The following FYCO1 variants were observed in gnomAD, a reference collection of about 807,000 sequenced individuals.
FYCO1 encodes FYVE and coiled-coil domain autophagy adaptor 1, also known as FYVE and coiled-coil domain-containing protein 1.
In FYCO1, 122 loss-of-function variants were observed where a neutral mutation model predicts 165.1. The observed-to-expected ratio is 0.74, with a 90% CI of 0.64 to 0.86. FYCO1 has a LOEUF of 0.86. FYCO1 is among the 40% of genes least tolerant of loss of function. The pLI is 0.00. For synonymous variants in FYCO1, 648 were observed against 742.5 expected (o/e 0.87, Z 2.07); for missense variants, 1,702 against 1,810.3 (o/e 0.94, Z 1.09).
chr3:45,959,355 C>T, intron 12 of FYCO1, 38 bp downstream of exon 12: 1 of 1,611,008 alleles, frequency 6.2e-7, no homozygotes. Context: ...CTGGGCCCCA[C>T]CAGGGTGTTG....
intron 15 of FYCO1, 51 bp from the exon 16 acceptor site, chr3:45,931,332 G>A: frequency 1.3e-6 from 2 of 1,556,130 alleles, no homozygotes; most frequent in African/African-American, 1.4e-5. Flanking sequence ...AAGTGTTTGT[G>A]TCCACTGGCC....
intron 4 of FYCO1, among the ~76,000 whole-genome samples, chr3:45,978,987 G>A (rs944515921): frequency 6.6e-6 from 1 of 151,844 alleles, no homozygotes; most frequent in Non-Finnish European, 1.5e-5. Flanking sequence ...CTCCCGCGTA[G>A]CTGGGACTAC....
At chr3:45,985,987 G>A (rs1335169944) in intron 1 of FYCO1, among the ~76,000 whole-genome samples, 1 of 152,250 alleles carries the variant, frequency 6.6e-6, no homozygotes, top group Admixed American at 6.5e-5. Flanking sequence ...CTAAATGAGG[G>A]TCTATTGCGT....
chr3:45,923,768 G>A lies in FYCO1; in HGVS notation c.4252-3C>T. 6.2e-7 allele frequency: 1 copy of A among 1,607,356 alleles called. No homozygotes were observed. The highest frequency in any genetic ancestry group is 8.5e-7 in the Non-Finnish European group (1 of 1,173,840). ...CATCGGGTCGTGGGAATGAGGACCT[G>A]GGAGGGAAAGCAGGTAGGCAAAAAC... On this transcript the variant is annotated splice_region_variant and splice_polypyrimidine_tract_variant and intron_variant, in intron 16 of 17. Transcript: ENST00000296137.
chr3:45,985,017 T>G lies in FYCO1; in HGVS notation c.-107A>C. ...GCTCAGCAGTGGTCAGACTCCATGG[T>G]GGCACCTGCACAGAGGAAGGGGAGG... On this transcript the variant is annotated 5_prime_UTR_variant, in exon 2 of 18. Transcript: ENST00000296137. The G allele has an allele frequency of 9.8e-7, 1 of 1,024,976 alleles. No individual in the cohort carries two copies. The highest frequency in any genetic ancestry group is 1.3e-5 in the South Asian group (1 of 78,748). 63.5% of individuals were successfully genotyped at this position (1,024,976 alleles called of 1,614,324 possible). A position where few individuals can be genotyped will look rare whatever the true frequency, so the allele number is the denominator to read the frequency against.
intron 14 of FYCO1, chr3:45,946,885 C>A (rs1704648604): frequency 1.2e-6 from 2 of 1,614,126 alleles, no homozygotes; most frequent in Non-Finnish European, 1.7e-6. Context: ...GTTAAGGCCA[C>A]CAAGGCCTAC....
At chr3:45,927,623 C>T (rs113544212) in intron 16 of FYCO1, among the ~76,000 whole-genome samples, 1 of 152,310 alleles carries the variant, frequency 6.6e-6, no homozygotes, top group Non-Finnish European at 1.5e-5. Flanking sequence ...CTCTGTGCTG[C>T]CTCTTCTGCA....
rs868294820 is a variant in FYCO1, at chr3:45,962,928, C to T, written c.3270-536G>A. ...AGCCCCCCTGAGGCCCAGGGAATTC[C>T]GTTTTGGGTGCTGCAGGGTGTCTCA... is the stretch of plus-strand genomic sequence containing the variant. On this transcript the variant is annotated intron_variant, in intron 10 of 17. Transcript: ENST00000296137. This position sits in a 1 kb window ranked among gnomAD's most constrained non-coding sequence, Gnocchi z 4.4. Among the ~76,000 whole-genome samples, 6 of 152,156 alleles carry T rather than the reference C, an allele frequency of 3.9e-5. No homozygotes were observed. Among genetic ancestry groups the T allele is most frequent in the Admixed American group, 2.0e-4 (3 of 15,278 alleles).
At chr3:45,955,624 C>T (rs1705264719) in intron 13 of FYCO1, among the ~76,000 whole-genome samples, 1 of 152,082 alleles carries the variant, frequency 6.6e-6, no homozygotes, top group Non-Finnish European at 1.5e-5. Flanking sequence ...ATGGAATGTA[C>T]AACCTAAGAG....
At chr3:45,992,766 A>G (rs1360211381) in intron 1 of FYCO1, among the ~76,000 whole-genome samples, 4 of 152,276 alleles carry the variant, frequency 2.6e-5, no homozygotes, top group Admixed American at 2.6e-4. Flanking sequence ...GCTCCTGACC[A>G]AGTCTACAGA....
In FYCO1 at chr3:45,968,598, C is replaced by T. The variant is rs753372287; in HGVS notation, c.736G>A (p.Glu246Lys). 2 of 1,613,948 alleles carry T rather than the reference C, an allele frequency of 1.2e-6. No homozygotes were observed. Among genetic ancestry groups the T allele is most frequent in the Non-Finnish European group, 1.7e-6 (2 of 1,179,994 alleles). The change falls in exon 8 of 18, where the codon GAG becomes AAG. Residue 246 changes from glutamate (E) to lysine (K), a missense_variant. Coordinates refer to ENST00000296137, the MANE Select transcript of FYCO1 (RefSeq NM_024513.4). ...RLELDQLEVR[E>K]KQLRERMQQL... ...TGCATGCGCTCCCGTAGCTGCTTCT[C>T]CCGCACCTCCAACTGGTCCAGCTCT...
chr3:45,934,275 C>T (rs1429981407), intron 15 of FYCO1, among the ~76,000 whole-genome samples: 1 of 152,128 alleles, frequency 6.6e-6, no homozygotes, highest in East Asian at 1.9e-4. Flanking sequence ...ACAGATAAGC[C>T]TAGAGATTTA....
Position 45,966,719 on chromosome 3 carries a change from G to C in FYCO1, c.2615C>G (p.Ala872Gly). 1 of 1,612,488 alleles carries C rather than the reference G, an allele frequency of 6.2e-7. No individual in the cohort carries two copies. Residue 872 changes from alanine (A) to glycine (G), a missense_variant, in exon 8 of 18, where the codon GCC (alanine) becomes GGC (glycine). Transcript: ENST00000296137. ...EAQQREEELR[A>G]LQEELSQAKC... ...GGCCTGGGACAGCTCCTCCTGCAGG[G>C]CCCGCAGCTCCTCCTCCCTCTGCTG...
At chr3:45,935,738 G>A (rs775520662) in intron 15 of FYCO1, among the ~76,000 whole-genome samples, 6 of 152,146 alleles carry the variant, frequency 3.9e-5, no homozygotes, top group Non-Finnish European at 7.3e-5. Flanking sequence ...TGTTTATAGC[G>A]TATCATCTGT....
intron 14 of FYCO1, among the ~76,000 whole-genome samples, chr3:45,939,104 C>T (rs1057343139): frequency 4.6e-5 from 7 of 152,222 alleles, no homozygotes; most frequent in African/African-American, 1.7e-4. Flanking sequence ...TGATGGCATG[C>T]CACCCTTTCC....
chr3:45,946,266 A>G (rs1704595232), intron 14 of FYCO1: 1 of 525,158 alleles, frequency 1.9e-6, no homozygotes, highest in Non-Finnish European at 3.4e-6. Flanking sequence ...GCTAATGGAG[A>G]GTCCTCATCC....
intron 16 of FYCO1, among the ~76,000 whole-genome samples, chr3:45,925,227 C>T (rs1703270358): frequency 6.8e-6 from 1 of 147,582 alleles, no homozygotes; most frequent in Admixed American, 6.8e-5. Context: ...GGCGCCCAGC[C>T]CTTACATTTT....
At chr3:45,932,864 T>TG (rs1037046233) in intron 15 of FYCO1, among the ~76,000 whole-genome samples, 1 of 152,206 alleles carries the variant, frequency 6.6e-6, no homozygotes, top group East Asian at 1.9e-4. Context: ...AGGGCAGGTT[T>TG]GGGGGGTCCA....
chr3:45,964,218 G>C lies in FYCO1; in HGVS notation c.3269+118C>G. On this transcript the variant is annotated intron_variant, in intron 10 of 17. Transcript: ENST00000296137. This position sits in a 1 kb window ranked among gnomAD's most constrained non-coding sequence, Gnocchi z 4.1. The stretch of plus-strand genomic sequence containing the variant: ...AGCAGAAGCACTTTCTGAGTTTGTG[G>C]CTTTTCTTGCAAAAGGACTTCCTAA... 3.4e-6 allele frequency: 3 copies of C among 870,182 alleles called. No homozygotes were observed. Among genetic ancestry groups the C allele is most frequent in the Non-Finnish European group, 3.9e-6 (2 of 512,242 alleles). The allele number at this position is 870,182 out of a possible 1,614,324, so 53.9% of individuals were successfully genotyped here.
Sources: allele counts gnomAD v4.1 joint callset (sites outside exome capture counted in the v4.1 genomes callset), GRCh38; gene constraint gnomAD v4.1.1; non-coding constraint Gnocchi (gnomAD v3.1); transcripts MANE v1.5; gene names NCBI Gene and HGNC (gene_info 2026-07-23, HGNC 2026-07-21).